Variants in XKR6 observed in about 807,000 individuals in gnomAD.
The protein encoded by XKR6 is XK related 6.
A neutral mutation model predicts 56.7 loss-of-function variants in XKR6; 22 were observed. The observed-to-expected ratio is 0.39, with a 90% CI of 0.28 to 0.55. XKR6 has a LOEUF of 0.55. Ranked by LOEUF, XKR6 falls within the 20% of genes least tolerant of loss-of-function variation. The pLI is 0.66. For synonymous variants in XKR6, 524 were observed against 387.8 expected (o/e 1.35, Z -4.13); for missense variants, 852 against 889.0 (o/e 0.96, Z 0.53).
intron 1 of XKR6, chr8:11,108,305 T>C: frequency 2.2e-6 from 1 of 456,272 alleles, no homozygotes; most frequent in South Asian, 1.5e-5. Context: ...CTGCTGCAGA[T>C]TTAAGTGTTA....
At chr8:11,139,738 G>A (rs1800589101) in intron 1 of XKR6, among the ~76,000 whole-genome samples, 1 of 152,198 alleles carries the variant, frequency 6.6e-6, no homozygotes, top group African/African-American at 2.4e-5. Flanking sequence ...CGAAGGGGCT[G>A]TAACAGGGCA....
intron 1 of XKR6, among the ~76,000 whole-genome samples, chr8:10,979,726 C>T (rs1474650481): frequency 1.3e-5 from 2 of 152,200 alleles, no homozygotes; most frequent in African/African-American, 4.8e-5. Context: ...CAGCTCCTGA[C>T]CCTCTGTTCC....
intron 1 of XKR6, among the ~76,000 whole-genome samples, chr8:11,130,432 C>G (rs1351052282): frequency 6.6e-6 from 1 of 152,060 alleles, no homozygotes; most frequent in Non-Finnish European, 1.5e-5. Flanking sequence ...TTGGAACCAT[C>G]AGGATCAGGG....
At chr8:10,908,278 T>G (rs533517563) in intron 2 of XKR6, among the ~76,000 whole-genome samples, 28 of 152,220 alleles carry the variant, frequency 1.8e-4, no homozygotes, top group African/African-American at 5.3e-4. Context: ...GTAGGTATTG[T>G]AAACTGCAGC....
At chr8:11,089,570 G>A (rs544902821) in intron 1 of XKR6, among the ~76,000 whole-genome samples, 3 of 152,276 alleles carry the variant, frequency 2.0e-5, no homozygotes, top group South Asian at 2.1e-4. Context: ...CTAGGAGCTC[G>A]AGGCTGCAGT....
intron 1 of XKR6, among the ~76,000 whole-genome samples, chr8:11,011,862 G>A (rs1422635888): frequency 6.6e-6 from 1 of 152,224 alleles, no homozygotes; most frequent in Non-Finnish European, 1.5e-5. Context: ...CATGGCACTG[G>A]GGAGGGGGAT....
intron 1 of XKR6, among the ~76,000 whole-genome samples, chr8:10,989,161 C>G (rs903894325): frequency 1.3e-5 from 2 of 152,190 alleles, no homozygotes; most frequent in Non-Finnish European, 2.9e-5. Context: ...CTGGGTGATG[C>G]CTCACAGGGG....
intron 1 of XKR6, among the ~76,000 whole-genome samples, chr8:11,140,897 C>CAA (rs35388667): frequency 0.082 from 7,161 of 87,442 alleles, 453 homozygotes; most frequent in African/African-American, 0.14. Flanking sequence ...GACTCTGTCT[C>CAA]AAAAAAAAAA....
At chr8:11,118,556 C>A (rs1465266684) in intron 1 of XKR6, among the ~76,000 whole-genome samples, 1 of 152,110 alleles carries the variant, frequency 6.6e-6, no homozygotes, top group Non-Finnish European at 1.5e-5. Flanking sequence ...TGTGTCAAGG[C>A]ATTTATCCAT....
intron 2 of XKR6, among the ~76,000 whole-genome samples, chr8:10,906,256 G>A (rs1406124417): frequency 6.6e-6 from 1 of 152,142 alleles, no homozygotes; most frequent in Non-Finnish European, 1.5e-5. Context: ...ACCAAATCCT[G>A]CTAAATGTTG....
chr8:11,106,025 A>C (rs1008215194), intron 1 of XKR6: 4 of 152,248 alleles, frequency 2.6e-5, no homozygotes, highest in African/African-American at 9.6e-5. Flanking sequence ...TGCAGACTAC[A>C]TCCTTTTACA....
rs182167988 is a variant in XKR6, at chr8:11,012,796, C to T, written c.765-87966G>A. ...GCTCATTAACTGCCACAAACTAATA[C>T]ATTTTATCCCATGTCAGGCCATGTC... On this transcript the variant is annotated intron_variant, in intron 1 of 2. Transcript: ENST00000416569. Among the ~76,000 whole-genome samples, 62 of 152,298 alleles carry T rather than the reference C, an allele frequency of 4.1e-4. 1 individual carries two copies. Among genetic ancestry groups the T allele is most frequent in the Non-Finnish European group, 6.0e-4 (41 of 68,040 alleles).
rs1431113485 is a variant in XKR6 at position 11,178,566 on chromosome 8, A to ATG, written c.764+22009_764+22010insCA. On this transcript the variant is annotated intron_variant, in intron 1 of 2. Transcript: ENST00000416569. ...GGTAAAAATATATATATATATATAT[A>ATG]TATATATGTATATATATATGTACTA... Among the ~76,000 whole-genome samples, 412 of 139,338 alleles carry ATG rather than the reference A, an allele frequency of 3.0e-3. 4 individuals carry two copies. Among genetic ancestry groups the ATG allele is most frequent in the South Asian group, 8.2e-3 (36 of 4,376 alleles). The allele number at this position is 139,338 out of a possible 152,430, so 91.4% of individuals were successfully genotyped here.
intron 1 of XKR6, among the ~76,000 whole-genome samples, chr8:11,121,252 C>G (rs1330843330): frequency 6.6e-6 from 1 of 152,110 alleles, no homozygotes; most frequent in South Asian, 2.1e-4. Context: ...GAACAGGCAA[C>G]CTACAGAATG....
At chr8:10,982,366 G>C (rs1012097613) in intron 1 of XKR6, among the ~76,000 whole-genome samples, 7 of 152,164 alleles carry the variant, frequency 4.6e-5, no homozygotes, top group African/African-American at 1.7e-4. Context: ...GATGTCATAG[G>C]ATAATGCATT....
At chr8:10,968,100 C>G (rs866482540) in intron 1 of XKR6, among the ~76,000 whole-genome samples, 1 of 152,184 alleles carries the variant, frequency 6.6e-6, no homozygotes, top group Non-Finnish European at 1.5e-5. Flanking sequence ...CCCCCTGGTA[C>G]CCAGGGTCTG....
intron 1 of XKR6, among the ~76,000 whole-genome samples, chr8:11,132,137 T>A (rs889071380): frequency 1.3e-5 from 2 of 151,986 alleles, no homozygotes. Flanking sequence ...AAATTTGCAT[T>A]CCTAACAAGC....
At chr8:11,124,182 G>A (rs1458988425) in intron 1 of XKR6, 2 of 357,518 alleles carry the variant, frequency 5.6e-6, no homozygotes, top group East Asian at 7.4e-5. Flanking sequence ...TTAATCATTT[G>A]AGGGAGAAAA....
At chr8:11,135,215 G>A (rs919605991) in intron 1 of XKR6, among the ~76,000 whole-genome samples, 1 of 152,046 alleles carries the variant, frequency 6.6e-6, no homozygotes, top group African/African-American at 2.4e-5. Flanking sequence ...ATTTTTAGCA[G>A]AGATGGGGTT....
Sources: gnomAD v4.1 joint callset for allele counts (sites outside exome capture counted in the v4.1 genomes callset) on GRCh38, gnomAD v4.1.1 for gene constraint, MANE v1.5 for transcripts, NCBI Gene and HGNC (gene_info 2026-07-23, HGNC 2026-07-21) for gene names.